The following WDFY2 variants were observed in gnomAD, a reference collection of about 807,000 sequenced individuals.
WDFY2 encodes WD repeat and FYVE domain containing 2, also known as WD repeat and FYVE domain-containing protein 2.
A neutral mutation model predicts 56.4 loss-of-function variants in WDFY2; 36 were observed. That is an observed-to-expected ratio of 0.64 (90% CI 0.49 to 0.84). The LOEUF (loss-of-function observed/expected upper bound fraction) is 0.84. WDFY2 is among the 40% of genes least tolerant of loss of function. The pLI is 0.00. For missense variants in WDFY2, 444 were observed against 512.2 expected, an observed-to-expected ratio of 0.87 and a Z score of 1.29; for synonymous variants, 176 against 183.7, an observed-to-expected ratio of 0.96 and a Z score of 0.34.
intron 1 of WDFY2, among the ~76,000 whole-genome samples, chr13:51,642,274 TG>T (rs1955181884): frequency 6.6e-6 from 1 of 152,052 alleles, no homozygotes; most frequent in Admixed American, 6.6e-5. Context: ...ATTTGACCCT[TG>T]AGATTTTTAT....
chr13:51,662,851 C>T lies in WDFY2; in HGVS notation c.205+2188C>T, dbSNP rs144132946. ...TGTGATTATTTGTATACTTTGCCTT[C>T]GGTGTTCTACTAAATAGAGTTAAAA... On this transcript the variant is annotated intron_variant, in intron 2 of 11. Coordinates refer to ENST00000298125, the MANE Select transcript of WDFY2 (RefSeq NM_052950.4). Among the ~76,000 whole-genome samples, 299 of 152,226 alleles carry T rather than the reference C, an allele frequency of 2.0e-3. 9 individuals are homozygous for T. Among genetic ancestry groups the T allele is most frequent in the Admixed American group, 0.017 (264 of 15,300 alleles).
chr13:51,597,510 G>A (rs990855021), intron 1 of WDFY2, among the ~76,000 whole-genome samples: 17 of 152,142 alleles, frequency 1.1e-4, no homozygotes, highest in African/African-American at 3.6e-4. Context: ...ACCCGACATT[G>A]CTTATTTCTG....
At chr13:51,699,309 C>A (rs543228876) in intron 3 of WDFY2, among the ~76,000 whole-genome samples, 1 of 152,154 alleles carries the variant, frequency 6.6e-6, no homozygotes, top group African/African-American at 2.4e-5. Context: ...GTGGATTTTT[C>A]CAAAACCTGG....
Position 51,670,489 on chromosome 13 carries a change from GCACACACACACACA to G in WDFY2, c.206-4646_206-4633del, listed in dbSNP as rs55984632. Among the ~76,000 whole-genome samples, 37 of 131,498 alleles carry G rather than the reference GCACACACACACACA, an allele frequency of 2.8e-4. No individual in the cohort carries two copies. In the East Asian group the frequency reaches 3.2e-3, roughly 11 times the overall value. The allele number at this position is 131,498 out of a possible 152,430, so 86.3% of individuals were successfully genotyped here. A position where few individuals can be genotyped will look rare whatever the true frequency, so the allele number is the denominator to read the frequency against. On this transcript the variant is annotated intron_variant, in intron 2 of 11. Transcript: ENST00000298125. ...TACGTCTCACCTACTGTGCGCACATGCACACACACACACACACACACACACACACACACACACAC... is the reference window on the plus strand; with the variant it reads ...TACGTCTCACCTACTGTGCGCACATGCACACACACACACACACACACACAC...
At chr13:51,692,003 T>C (rs1209061478) in intron 3 of WDFY2, among the ~76,000 whole-genome samples, 2 of 152,194 alleles carry the variant, frequency 1.3e-5, no homozygotes, top group South Asian at 2.1e-4. Flanking sequence ...TTGTCTGTTA[T>C]TGGTGTATAA....
At chr13:51,730,301 T>C (rs1265055810) in intron 6 of WDFY2, among the ~76,000 whole-genome samples, 1 of 152,248 alleles carries the variant, frequency 6.6e-6, no homozygotes, top group Non-Finnish European at 1.5e-5. Flanking sequence ...CTGGGACACG[T>C]TGTAAACCTT....
chr13:51,670,512 C>T (rs910340513), intron 2 of WDFY2, among the ~76,000 whole-genome samples: 1 of 149,816 alleles, frequency 6.7e-6, no homozygotes, highest in African/African-American at 2.5e-5. Flanking sequence ...CACACACACA[C>T]ACACACACAC....
intron 1 of WDFY2, among the ~76,000 whole-genome samples, chr13:51,617,385 G>T (rs1375260173): frequency 6.6e-6 from 1 of 151,938 alleles, no homozygotes; most frequent in African/African-American, 2.4e-5. Flanking sequence ...TGTTGCCCAG[G>T]CTGGAGTGTA....
intron 1 of WDFY2, among the ~76,000 whole-genome samples, chr13:51,619,595 C>A (rs1954687962): frequency 6.6e-6 from 1 of 152,226 alleles, no homozygotes; most frequent in East Asian, 1.9e-4. Context: ...AGGGTCAGAA[C>A]AAACAATGGT....
rs553616648 is a variant in WDFY2, at chr13:51,716,097, T to C, written c.335-3101T>C. The stretch of plus-strand genomic sequence containing the variant: ...AAAATGGTTGAACCTTGGAAACTTA[T>C]GCTAAGAGAAAAAAGCCGCACACAA... On this transcript the variant is annotated intron_variant, in intron 4 of 11. Coordinates refer to ENST00000298125, the MANE Select transcript of WDFY2 (RefSeq NM_052950.4). Among the ~76,000 whole-genome samples, 3 of 152,316 alleles carry C rather than the reference T, an allele frequency of 2.0e-5. No individual in the cohort carries two copies. In the East Asian group the frequency reaches 5.8e-4, roughly 29 times the overall value.
chr13:51,615,591 G>T (rs1954595790), intron 1 of WDFY2, among the ~76,000 whole-genome samples: 1 of 152,166 alleles, frequency 6.6e-6, no homozygotes, highest in Non-Finnish European at 1.5e-5. Flanking sequence ...TACTTCTTGG[G>T]ATAAATCATG....
Position 51,766,336 on chromosome 13 carries a change from G to C in WDFY2, c.*6567G>C, listed in dbSNP as rs1953747531. 6.6e-6 allele frequency: 1 copy of C among 152,248 alleles called. No homozygotes were observed. Among genetic ancestry groups the C allele is most frequent in the African/African-American group, 2.4e-5 (1 of 41,464 alleles). The allele number at this position is 152,248 out of a possible 1,614,324, so 9.4% of individuals were successfully genotyped here. ...GCCCACCGCTCTACTTCTAACCAGG[G>C]ACACGGATCTTCCATTCTCTACATC... On this transcript the variant is annotated 3_prime_UTR_variant, in exon 12 of 12. Coordinates refer to ENST00000298125, the MANE Select transcript of WDFY2 (RefSeq NM_052950.4).
intron 6 of WDFY2, among the ~76,000 whole-genome samples, chr13:51,736,211 T>A (rs1017046439): frequency 7.9e-5 from 12 of 152,216 alleles, no homozygotes; most frequent in African/African-American, 2.9e-4. Context: ...TGTGTGTGTT[T>A]ATATATATTA....
At chr13:51,730,860 G>A (rs1952707737) in intron 6 of WDFY2, among the ~76,000 whole-genome samples, 1 of 152,142 alleles carries the variant, frequency 6.6e-6, no homozygotes, top group Admixed American at 6.5e-5. Flanking sequence ...AGGAACACTG[G>A]GTATGAGGGA....
At chr13:51,736,827 C>T (rs905056965) in intron 6 of WDFY2, among the ~76,000 whole-genome samples, 9 of 152,102 alleles carry the variant, frequency 5.9e-5, no homozygotes, top group Admixed American at 3.9e-4. Flanking sequence ...AGGTATATAT[C>T]GGTCAGGGAA....
At chr13:51,653,093 T>A (rs1437191715) in intron 1 of WDFY2, among the ~76,000 whole-genome samples, 3 of 152,200 alleles carry the variant, frequency 2.0e-5, no homozygotes, top group South Asian at 2.1e-4. Context: ...TCTTGGAGGC[T>A]TTGTTTGTTT....
intron 7 of WDFY2, among the ~76,000 whole-genome samples, chr13:51,747,024 C>T (rs917329677): frequency 3.9e-5 from 6 of 152,232 alleles, no homozygotes; most frequent in African/African-American, 1.2e-4. Flanking sequence ...GTCAGCTCAG[C>T]GGCCTGTGCC....
chr13:51,643,160 G>A (rs1318485278), intron 1 of WDFY2, among the ~76,000 whole-genome samples: 3 of 152,064 alleles, frequency 2.0e-5, no homozygotes. Context: ...TCACAGTCTT[G>A]TGCAACCATC....
At chr13:51,680,302 A>G (rs560722499) in intron 3 of WDFY2, among the ~76,000 whole-genome samples, 4 of 151,984 alleles carry the variant, frequency 2.6e-5, no homozygotes, top group African/African-American at 9.6e-5. Flanking sequence ...GGGTCTCACT[A>G]TGTTGCCTGG....
Sources: gnomAD v4.1 joint callset for allele counts (sites outside exome capture counted in the v4.1 genomes callset) on GRCh38, gnomAD v4.1.1 for gene constraint, MANE v1.5 for transcripts, NCBI Gene and HGNC (gene_info 2026-07-23, HGNC 2026-07-21) for gene names.